Variants in GLT1D1 observed in about 807,000 individuals in gnomAD.
The protein encoded by GLT1D1 is glycosyltransferase 1 domain containing 1, also known as glycosyltransferase 1 domain-containing protein 1.
A neutral mutation model predicts 28.7 loss-of-function variants in GLT1D1; 21 were observed. That is an observed-to-expected ratio of 0.73 (90% CI 0.52 to 1.05). GLT1D1 has a LOEUF of 1.05. Ranked by LOEUF, GLT1D1 falls within the 50% of genes least tolerant of loss-of-function variation. GLT1D1 has a pLI of 0.00. For synonymous variants in GLT1D1, 147 were observed against 124.8 expected (o/e 1.18, Z -1.19); for missense variants, 343 against 330.6 (o/e 1.04, Z -0.29).
At chr12:128,894,196 G>A (rs1018310253) in intron 3 of GLT1D1, among the ~76,000 whole-genome samples, 11 of 152,104 alleles carry the variant, frequency 7.2e-5, no homozygotes, top group Non-Finnish European at 1.5e-4. Context: ...GAAGTCCAGC[G>A]TGAGATCCTC....
chr12:128,955,845 C>G (rs1877217276), intron 6 of GLT1D1, among the ~76,000 whole-genome samples: 2 of 151,940 alleles, frequency 1.3e-5, no homozygotes, highest in South Asian at 4.2e-4. Context: ...CCTCACCTCT[C>G]CTCTGTGATT....
chr12:128,916,416 C>G (rs1320408516), intron 4 of GLT1D1, among the ~76,000 whole-genome samples: 2 of 152,134 alleles, frequency 1.3e-5, no homozygotes, highest in Non-Finnish European at 2.9e-5. Context: ...ATATGATTAA[C>G]ATTATAAAAA....
At chr12:128,980,919 T>C (rs1326758953) in intron 7 of GLT1D1, among the ~76,000 whole-genome samples, 5 of 152,206 alleles carry the variant, frequency 3.3e-5, no homozygotes, top group Admixed American at 6.5e-5. Context: ...GGTGTGGCCA[T>C]CTTTGCAAAC....
At chr12:128,886,754 A>G (rs901429421) in intron 2 of GLT1D1, among the ~76,000 whole-genome samples, 1 of 151,552 alleles carries the variant, frequency 6.6e-6, no homozygotes, top group Non-Finnish European at 1.5e-5. Context: ...TCCCAGCCTC[A>G]TGGGTCCTGG....
At chr12:128,962,398 G>T (rs775786364) in intron 7 of GLT1D1, among the ~76,000 whole-genome samples, 2 of 152,248 alleles carry the variant, frequency 1.3e-5, no homozygotes, top group Non-Finnish European at 2.9e-5. Flanking sequence ...CTATAGCAGT[G>T]CATGGATTAG....
chr12:128,888,354 A>G (rs1415923695), intron 2 of GLT1D1, among the ~76,000 whole-genome samples: 1 of 152,178 alleles, frequency 6.6e-6, no homozygotes, highest in African/African-American at 2.4e-5. Context: ...GCTTTGATTG[A>G]TAGATGAGGC....
At position 128,877,266 on chromosome 12, in the gene GLT1D1, G is replaced by C. The variant is rs143829895; in HGVS notation, c.217+1204G>C. On this transcript the variant is annotated intron_variant, in intron 2 of 7. Transcript: ENST00000281703. Reference sequence around the variant, plus strand: ...ATGACATAGTAGTGGTATCATTTGTGCTGCACCATTTTAAGGGATAGTAAT... The same window carrying C: ...ATGACATAGTAGTGGTATCATTTGTCCTGCACCATTTTAAGGGATAGTAAT... Among the ~76,000 whole-genome samples the C allele has an allele frequency of 3.3e-5, 5 of 152,280 alleles. No homozygotes were observed. The East Asian group carries it at 9.6e-4, about 29-fold the overall frequency.
At chr12:128,890,287 A>G (rs1247610360) in intron 3 of GLT1D1, among the ~76,000 whole-genome samples, 1 of 152,176 alleles carries the variant, frequency 6.6e-6, no homozygotes. Context: ...GTTTTGTAGA[A>G]TGAGGTGCTG....
chr12:128,906,341 T>G (rs756659210), intron 4 of GLT1D1, among the ~76,000 whole-genome samples: 7 of 152,128 alleles, frequency 4.6e-5, no homozygotes, highest in Non-Finnish European at 1.0e-4. Context: ...TTGTCTAAAT[T>G]CATCAGAATT....
chr12:128,912,452 A>T (rs1345962112), intron 4 of GLT1D1: 3 of 1,518,748 alleles, frequency 2.0e-6, no homozygotes, highest in Non-Finnish European at 1.8e-6. Context: ...GTCTATGTCC[A>T]GAGTCAAGGT....
intron 1 of GLT1D1, among the ~76,000 whole-genome samples, chr12:128,867,092 C>A (rs1956550376): frequency 6.6e-6 from 1 of 151,902 alleles, no homozygotes; most frequent in Non-Finnish European, 1.5e-5. Context: ...TTGACCTTTT[C>A]CCTGCTCTAG....
chr12:128,954,052 A>G (rs1348388470), intron 6 of GLT1D1, among the ~76,000 whole-genome samples: 1 of 151,720 alleles, frequency 6.6e-6, no homozygotes, highest in African/African-American at 2.4e-5. Context: ...AGTCTAATAT[A>G]GCTTTAATAT....
Position 128,960,731 on chromosome 12 carries a change from G to C in GLT1D1, c.639+3088G>C, listed in dbSNP as rs146002617. On this transcript the variant is annotated intron_variant, in intron 7 of 7. Transcript: ENST00000281703. ...GAGACTGCACCGAGATTGCACCAGT[G>C]CACTCCAGCCTGGGTGACAGAGCTG... 1.2e-3 allele frequency among the ~76,000 whole-genome samples: 182 copies of C among 151,660 alleles called. 2 individuals carry two copies. The highest frequency in any genetic ancestry group is 1.8e-3 in the Non-Finnish European group (120 of 67,948).
chr12:128,898,121 C>T (rs1869856634), intron 3 of GLT1D1, among the ~76,000 whole-genome samples: 1 of 151,216 alleles, frequency 6.6e-6, no homozygotes, highest in Non-Finnish European at 1.5e-5. Flanking sequence ...TCTTTGAATT[C>T]TTCTTCTTCT....
chr12:128,951,040 A>G (rs948241516), intron 6 of GLT1D1, among the ~76,000 whole-genome samples: 3 of 152,210 alleles, frequency 2.0e-5, no homozygotes, highest in Non-Finnish European at 2.9e-5. Flanking sequence ...ACCACACAAA[A>G]CAAGTATGAA....
At chr12:128,973,657 T>C (rs1409068498) in intron 7 of GLT1D1, among the ~76,000 whole-genome samples, 1 of 151,984 alleles carries the variant, frequency 6.6e-6, no homozygotes, top group Non-Finnish European at 1.5e-5. Context: ...TCCCTCCCTT[T>C]TCTGCCTCTC....
At chr12:128,935,822 G>C (rs1342286073) in intron 4 of GLT1D1, among the ~76,000 whole-genome samples, 1 of 152,086 alleles carries the variant, frequency 6.6e-6, no homozygotes, top group East Asian at 1.9e-4. Context: ...TTCTTAGCAA[G>C]AACTTTTTAA....
intron 4 of GLT1D1, among the ~76,000 whole-genome samples, chr12:128,935,075 C>T (rs1046601066): frequency 6.6e-6 from 1 of 152,182 alleles, no homozygotes; most frequent in African/African-American, 2.4e-5. Context: ...GAGCCTGGAA[C>T]AGGACAGGCT....
At chr12:128,873,993 T>G (rs1485715003) in intron 1 of GLT1D1, among the ~76,000 whole-genome samples, 3 of 142,850 alleles carry the variant, frequency 2.1e-5, no homozygotes, top group Admixed American at 7.0e-5. Context: ...CCTTCCTTCC[T>G]TCCTTCTTCC....
Sources: allele counts gnomAD v4.1 joint callset (sites outside exome capture counted in the v4.1 genomes callset), GRCh38; gene constraint gnomAD v4.1.1; transcripts MANE v1.5; gene names NCBI Gene and HGNC (gene_info 2026-07-23, HGNC 2026-07-21).